CACNG2: variants seen among roughly 807,000 people sequenced by gnomAD.
CACNG2 encodes the protein voltage-dependent calcium channel gamma-2 subunit.
In CACNG2, 3 loss-of-function variants were observed where a neutral mutation model predicts 25.9. The ratio of observed to expected loss-of-function variants is 0.12; its 90% CI spans 0.05 to 0.30. CACNG2 has a LOEUF of 0.30. Ranked by LOEUF, CACNG2 falls within the 10% of genes least tolerant of loss-of-function variation. CACNG2 has a pLI of 1.00. For missense variants in CACNG2, 341 were observed against 432.5 expected, an observed-to-expected ratio of 0.79 and a Z score of 1.88; for synonymous variants, 167 against 173.3, an observed-to-expected ratio of 0.96 and a Z score of 0.29.
At chr22:36,578,933 G>C (rs920986084) in intron 2 of CACNG2, among the ~76,000 whole-genome samples, 5 of 152,110 alleles carry the variant, frequency 3.3e-5, no homozygotes, top group African/African-American at 1.2e-4. Context: ...AGAAGATTCC[G>C]TAACAGAAAC....
chr22:36,671,573 G>GT (rs1376428395), intron 1 of CACNG2, among the ~76,000 whole-genome samples: 1 of 152,210 alleles, frequency 6.6e-6, no homozygotes, highest in Non-Finnish European at 1.5e-5. Context: ...AAATCTGGGC[G>GT]TTAGGATCTC....
intron 1 of CACNG2, among the ~76,000 whole-genome samples, chr22:36,652,374 C>G (rs941584200): frequency 1.3e-5 from 2 of 152,126 alleles, no homozygotes; most frequent in Non-Finnish European, 2.9e-5. Context: ...GCCCTGCCTA[C>G]CTCTGCAGCC....
chr22:36,564,755 C>T lies in CACNG2; in HGVS notation c.568G>A (p.Ala190Thr). The T allele has an allele frequency of 6.2e-7, 1 of 1,614,112 alleles. No homozygotes were observed. The highest frequency in any genetic ancestry group is 8.5e-7 in the Non-Finnish European group (1 of 1,180,018). Reference sequence around the variant, plus strand: ...ACCGCCAGCACCCCGACCATCTCGGCGATGATGAAGGACAGGGCCCCGAAG... The same window carrying T: ...ACCGCCAGCACCCCGACCATCTCGGTGATGATGAAGGACAGGGCCCCGAAG... ...FYFGALSFII[A>T]EMVGVLAVHM... is the part of the protein sequence containing the mutation. The change falls in exon 4 of 4, where the codon GCC becomes ACC. Residue 190 changes from alanine (A) to threonine (T), a missense_variant. Around this residue, in one of 2 missense-constraint regions of CACNG2, gnomAD observed 169 missense variants for 254.4 expected, o/e 0.66. Coordinates refer to ENST00000300105, the MANE Select transcript of CACNG2 (RefSeq NM_006078.5). The surrounding 1 kb of genome is among the most constrained non-coding windows in gnomAD (Gnocchi z 6.7).
rs546862056 is a variant in CACNG2, at chr22:36,664,723, C to T, written c.211+37643G>A. Among the ~76,000 whole-genome samples, 16 of 152,314 alleles carry T rather than the reference C, an allele frequency of 1.1e-4. No homozygotes were observed. In the South Asian group the frequency reaches 3.1e-3, roughly 30 times the overall value. On this transcript the variant is annotated intron_variant, in intron 1 of 3. Transcript: ENST00000300105. ...CTAGCTGAAGTGTGCTCAAATAAGG[C>T]ATCGTCTAATTCGATTATGCTTGCT...
At chr22:36,660,199 C>T (rs1346758939) in intron 1 of CACNG2, among the ~76,000 whole-genome samples, 3 of 152,228 alleles carry the variant, frequency 2.0e-5, no homozygotes, top group South Asian at 2.1e-4. Flanking sequence ...AGTCATCTCC[C>T]GTCCCCAGTG....
At chr22:36,610,330 C>T (rs1461903863) in intron 1 of CACNG2, among the ~76,000 whole-genome samples, 1 of 146,972 alleles carries the variant, frequency 6.8e-6, no homozygotes, top group East Asian at 2.0e-4. Context: ...ATCAGCTCCC[C>T]AGAGCGTGAT....
At position 36,562,342 on chromosome 22, in the gene CACNG2, G is replaced by T. The variant is rs1935042106; in HGVS notation, c.*2009C>A. 1 of 152,168 alleles carries T rather than the reference G, an allele frequency of 6.6e-6. No homozygotes were observed. The highest frequency in any genetic ancestry group is 1.5e-5 in the Non-Finnish European group (1 of 68,078). The allele number at this position is 152,168 out of a possible 1,614,324, so 9.4% of individuals were successfully genotyped here. ...TACATAGAGCAAGAATGGGCCTTTA[G>T]TGCTTCTCTGGGTCAATCCACATGC... On this transcript the variant is annotated 3_prime_UTR_variant, in exon 4 of 4. Coordinates refer to ENST00000300105, the MANE Select transcript of CACNG2 (RefSeq NM_006078.5).
intron 1 of CACNG2, among the ~76,000 whole-genome samples, chr22:36,696,546 T>C (rs1822547225): frequency 6.6e-6 from 1 of 152,196 alleles, no homozygotes; most frequent in Admixed American, 6.5e-5. Flanking sequence ...ACAAGGTAGA[T>C]TGACTTCTTG....
At chr22:36,679,417 C>T (rs1937067261) in intron 1 of CACNG2, among the ~76,000 whole-genome samples, 1 of 152,066 alleles carries the variant, frequency 6.6e-6, no homozygotes, top group Non-Finnish European at 1.5e-5. Flanking sequence ...AGATGGCTCT[C>T]TGAGGGCTCT....
chr22:36,669,545 C>T (rs1290577017), intron 1 of CACNG2, among the ~76,000 whole-genome samples: 3 of 146,902 alleles, frequency 2.0e-5, no homozygotes, highest in African/African-American at 7.5e-5. Context: ...AACATCTTCT[C>T]TGAACTCCTG....
At chr22:36,620,219 G>A (rs542552472) in intron 1 of CACNG2, among the ~76,000 whole-genome samples, 1 of 152,310 alleles carries the variant, frequency 6.6e-6, no homozygotes, top group South Asian at 2.1e-4. Flanking sequence ...CAAGTAGTTG[G>A]ACACCTCACC....
Position 36,613,154 on chromosome 22 carries a change from CTCTGTGTGTG to C in CACNG2, c.212-25616_212-25607del, listed in dbSNP as rs1355760589. On this transcript the variant is annotated intron_variant, in intron 1 of 3. Transcript: ENST00000300105. ...CCAAAAGTTCATTTCATTACAGGCT[CTCTGTGTGTG>C]TGTGTGTGTGTGTGTGTGTGTGTGT... 1.1e-4 allele frequency among the ~76,000 whole-genome samples: 8 copies of C among 74,002 alleles called. No homozygotes were observed. In the East Asian group the frequency reaches 9.7e-3, roughly 90 times the overall value. 48.5% of individuals were successfully genotyped at this position (74,002 alleles called of 152,430 possible).
At chr22:36,686,461 C>T (rs1236184908) in intron 1 of CACNG2, among the ~76,000 whole-genome samples, 1 of 152,154 alleles carries the variant, frequency 6.6e-6, no homozygotes, top group Non-Finnish European at 1.5e-5. Context: ...GGAGCTCCCC[C>T]AAGGGTATCA....
chr22:36,629,506 T>TTG (rs150636418), intron 1 of CACNG2, among the ~76,000 whole-genome samples: 157 of 148,596 alleles, frequency 1.1e-3, no homozygotes, highest in African/African-American at 2.7e-3. Context: ...GTGTGTGTGT[T>TTG]TGTGTGTGTG....
chr22:36,564,176 GT>G lies in CACNG2; in HGVS notation c.*174del. The G allele has an allele frequency of 2.0e-6, 1 of 507,592 alleles. No individual in the cohort carries two copies. The highest frequency in any genetic ancestry group is 3.2e-5 in the East Asian group (1 of 31,630). The allele number at this position is 507,592 out of a possible 1,614,324, so 31.4% of individuals were successfully genotyped here. A position where few individuals can be genotyped will look rare whatever the true frequency, so the allele number is the denominator to read the frequency against. Reference sequence around the variant, plus strand: ...CTTTTTTTTAAAATTTACTTGTTATGTTTTTTCTCTTTTTTTGTGTGTGTGT... The same window carrying G: ...CTTTTTTTTAAAATTTACTTGTTATGTTTTTCTCTTTTTTTGTGTGTGTGT... On this transcript the variant is annotated 3_prime_UTR_variant, in exon 4 of 4. Transcript: ENST00000300105. The surrounding 1 kb of genome is among the most constrained non-coding windows in gnomAD (Gnocchi z 6.7).
At chr22:36,648,362 A>T (rs1403274112) in intron 1 of CACNG2, among the ~76,000 whole-genome samples, 2 of 152,246 alleles carry the variant, frequency 1.3e-5, no homozygotes, top group Non-Finnish European at 2.9e-5. Flanking sequence ...TTTATCAGTG[A>T]AATCACCCAG....
rs1019930292 is a variant in CACNG2, at chr22:36,653,349, C to T, written c.211+49017G>A. On this transcript the variant is annotated intron_variant, in intron 1 of 3. Coordinates refer to ENST00000300105, the MANE Select transcript of CACNG2 (RefSeq NM_006078.5). Reference sequence around the variant, plus strand: ...CAAAAAAACAAAAGAAAACAAAAAACGGATGAGTTGCTAACATTGAAAAAT... The same window carrying T: ...CAAAAAAACAAAAGAAAACAAAAAATGGATGAGTTGCTAACATTGAAAAAT... Among the ~76,000 whole-genome samples the T allele has an allele frequency of 4.9e-5, 7 of 142,396 alleles. No individual in the cohort carries two copies. In the East Asian group the frequency reaches 7.7e-4, roughly 16 times the overall value. 93.4% of individuals were successfully genotyped at this position (142,396 alleles called of 152,430 possible).
At chr22:36,644,459 T>A (rs1936488877) in intron 1 of CACNG2, among the ~76,000 whole-genome samples, 1 of 152,234 alleles carries the variant, frequency 6.6e-6, no homozygotes, top group Non-Finnish European at 1.5e-5. Flanking sequence ...GGGGCTTATT[T>A]TTCTTTTCAG....
intron 1 of CACNG2, among the ~76,000 whole-genome samples, chr22:36,600,748 T>C (rs2145931635): frequency 6.6e-6 from 1 of 152,216 alleles, no homozygotes; most frequent in Admixed American, 6.5e-5. Context: ...AGTTTTACTA[T>C]GTTGGCCAGG....
Sources: allele counts gnomAD v4.1 joint callset (sites outside exome capture counted in the v4.1 genomes callset), GRCh38; gene constraint gnomAD v4.1.1; regional missense constraint gnomAD v4.1.1; non-coding constraint Gnocchi (gnomAD v3.1); transcripts MANE v1.5; gene names NCBI Gene and HGNC (gene_info 2026-07-23, HGNC 2026-07-21).